Variants in TMEM178B observed in about 807,000 individuals in gnomAD.
The protein encoded by TMEM178B is transmembrane protein 178B.
A neutral mutation model predicts 31.0 loss-of-function variants in TMEM178B; 5 were observed. The observed-to-expected ratio is 0.16, with a 90% CI of 0.08 to 0.34. TMEM178B has a LOEUF of 0.34. TMEM178B is among the 10% of genes least tolerant of loss of function. The pLI is 1.00. For synonymous variants in TMEM178B, 164 were observed against 164.0 expected (o/e 1.00, Z 0.00); for missense variants, 275 against 400.3 (o/e 0.69, Z 2.67).
At chr7:141,182,754 G>A (rs545754626) in intron 1 of TMEM178B, among the ~76,000 whole-genome samples, 1 of 152,160 alleles carries the variant, frequency 6.6e-6, no homozygotes, top group African/African-American at 2.4e-5. Context: ...GGTGAATAAC[G>A]CTCATGAGAT....
intron 2 of TMEM178B, among the ~76,000 whole-genome samples, chr7:141,328,925 T>C (rs529732045): frequency 1.3e-5 from 2 of 152,308 alleles, no homozygotes; most frequent in East Asian, 3.9e-4. Flanking sequence ...AGGTAATTAA[T>C]TAATGGTGAG....
intron 2 of TMEM178B, among the ~76,000 whole-genome samples, chr7:141,376,661 AGGTT>A (rs1800220519): frequency 6.6e-6 from 1 of 152,204 alleles, no homozygotes; most frequent in Non-Finnish European, 1.5e-5. Context: ...CAAATCCAAT[AGGTT>A]GGAGCAAAAG....
intron 2 of TMEM178B, among the ~76,000 whole-genome samples, chr7:141,396,398 G>A (rs73169552): frequency 6.6e-6 from 1 of 152,082 alleles, no homozygotes; most frequent in East Asian, 1.9e-4. Context: ...TCCCAAAGGC[G>A]CCCCATACTT....
At chr7:141,490,414 A>G in the TMEM178B span, among the ~76,000 whole-genome samples, 3 of 152,330 alleles carry the variant, frequency 2.0e-5, no homozygotes, top group African/African-American at 7.2e-5. Context: ...TGCTAGATGA[A>G]CATAAAGGCA....
At chr7:141,345,959 A>G (rs1156417623) in intron 2 of TMEM178B, among the ~76,000 whole-genome samples, 2 of 152,170 alleles carry the variant, frequency 1.3e-5, no homozygotes, top group Non-Finnish European at 2.9e-5. Context: ...GATCTTATCT[A>G]TGAAATTTAT....
At chr7:141,207,924 T>C (rs1157268939) in intron 1 of TMEM178B, among the ~76,000 whole-genome samples, 2 of 152,108 alleles carry the variant, frequency 1.3e-5, no homozygotes, top group East Asian at 3.9e-4. Context: ...GTGCGGTGGC[T>C]TGTGCCTATA....
At chr7:141,195,231 C>T (rs1023058283) in intron 1 of TMEM178B, among the ~76,000 whole-genome samples, 22 of 152,166 alleles carry the variant, frequency 1.4e-4, no homozygotes, top group Admixed American at 2.6e-4. Flanking sequence ...TCTTTTCTAT[C>T]GCATAGTTAG....
At chr7:141,157,514 GAACAAC>G (rs756842782) in intron 1 of TMEM178B, among the ~76,000 whole-genome samples, 7 of 151,658 alleles carry the variant, frequency 4.6e-5, no homozygotes, top group South Asian at 2.1e-4. Context: ...GACAATAACA[GAACAAC>G]AACAACAACA....
At chr7:141,084,565 C>A (rs920522703) in intron 1 of TMEM178B, among the ~76,000 whole-genome samples, 1 of 152,086 alleles carries the variant, frequency 6.6e-6, no homozygotes, top group African/African-American at 2.4e-5. Context: ...GAGCCGTCAG[C>A]GCATGTTTTG....
chr7:141,480,870 G>T (rs1802463149), downstream of TMEM178B, among the ~76,000 whole-genome samples: 1 of 152,212 alleles, frequency 6.6e-6, no homozygotes, highest in African/African-American at 2.4e-5. Context: ...GGAGGCTAGG[G>T]GAGGAGGGAA....
At chr7:141,334,004 A>T (rs1296640086) in intron 2 of TMEM178B, among the ~76,000 whole-genome samples, 4 of 152,180 alleles carry the variant, frequency 2.6e-5, no homozygotes, top group African/African-American at 4.8e-5. Context: ...TAACAGGGGG[A>T]ACCCCTGCTC....
chr7:141,498,963 G>T, the TMEM178B span, among the ~76,000 whole-genome samples: 1 of 152,164 alleles, frequency 6.6e-6, no homozygotes, highest in African/African-American at 2.4e-5. Context: ...GAATGCCAAG[G>T]CATATGCTAA....
chr7:141,294,950 G>C (rs977100844), intron 2 of TMEM178B, among the ~76,000 whole-genome samples: 7 of 152,126 alleles, frequency 4.6e-5, no homozygotes, highest in African/African-American at 1.7e-4. Flanking sequence ...TTTTCAATCT[G>C]ATATGATTTG....
chr7:141,088,767 TG>T (rs1178638372), intron 1 of TMEM178B, among the ~76,000 whole-genome samples: 3 of 152,206 alleles, frequency 2.0e-5, no homozygotes, highest in Non-Finnish European at 4.4e-5. Context: ...CACTTTTTGA[TG>T]GGGTTGTTTA....
At chr7:141,398,829 G>A (rs540855509) in intron 2 of TMEM178B, among the ~76,000 whole-genome samples, 9 of 152,114 alleles carry the variant, frequency 5.9e-5, no homozygotes, top group Non-Finnish European at 1.0e-4. Flanking sequence ...AACTGACTTC[G>A]CCAAGATCAT....
intron 1 of TMEM178B, among the ~76,000 whole-genome samples, chr7:141,135,046 C>G (rs1433021389): frequency 2.0e-5 from 3 of 152,186 alleles, no homozygotes; most frequent in Admixed American, 1.3e-4. Context: ...CCTTTGCCTG[C>G]TGACATCCAC....
At chr7:141,504,986 T>C in the TMEM178B span, among the ~76,000 whole-genome samples, 5 of 152,260 alleles carry the variant, frequency 3.3e-5, no homozygotes, top group South Asian at 8.3e-4. Context: ...TGTGAATCTC[T>C]GGACTAGAAA....
intron 2 of TMEM178B, among the ~76,000 whole-genome samples, chr7:141,233,064 C>A (rs1251188918): frequency 6.6e-6 from 1 of 152,112 alleles, no homozygotes; most frequent in Non-Finnish European, 1.5e-5. Flanking sequence ...TGTGGTCATC[C>A]TGGAGAAGTG....
At chr7:141,185,133 C>T (rs993309588) in intron 1 of TMEM178B, among the ~76,000 whole-genome samples, 4 of 152,264 alleles carry the variant, frequency 2.6e-5, no homozygotes, top group South Asian at 2.1e-4. Flanking sequence ...TCCAACCCCA[C>T]GGCAGTATCT....
Sources: gnomAD v4.1 joint callset for allele counts (sites outside exome capture counted in the v4.1 genomes callset) on GRCh38, gnomAD v4.1.1 for gene constraint, MANE v1.5 for transcripts, NCBI Gene and HGNC (gene_info 2026-07-23, HGNC 2026-07-21) for gene names.